The following ST3GAL3 variants were observed in gnomAD, a reference collection of about 807,000 sequenced individuals.
The protein encoded by ST3GAL3 is ST3 beta-galactoside alpha-2,3-sialyltransferase 3.
ST3GAL3 carries 21 observed loss-of-function variants against 50.1 expected under a neutral mutation model. That is an observed-to-expected ratio of 0.42 (90% CI 0.30 to 0.60). The LOEUF is 0.60. ST3GAL3 is among the 20% of genes least tolerant of loss of function. The pLI is 0.19. For missense variants in ST3GAL3, 353 were observed against 489.4 expected (o/e 0.72, Z 2.63); for synonymous variants, 183 against 190.0 (o/e 0.96, Z 0.30).
intron 1 of ST3GAL3, among the ~76,000 whole-genome samples, chr1:43,726,285 T>TTTTA (rs1241278204): frequency 2.0e-5 from 3 of 152,034 alleles, no homozygotes; most frequent in Admixed American, 6.6e-5. Flanking sequence ...ATATCTTATT[T>TTTTA]TTTATTTATT....
intron 1 of ST3GAL3, among the ~76,000 whole-genome samples, chr1:43,720,725 A>G (rs76760124): frequency 0.052 from 7,862 of 152,256 alleles, 271 homozygotes; most frequent in Non-Finnish European, 0.069. Flanking sequence ...TTTCCAACAC[A>G]TGCTTTTTTG....
chr1:43,910,861 G>T (rs138692954), intron 9 of ST3GAL3, among the ~76,000 whole-genome samples: 115 of 152,334 alleles, frequency 7.5e-4, no homozygotes, highest in African/African-American at 2.6e-3. Flanking sequence ...CCCCACTGTG[G>T]TCCTCCTCTG....
intron 9 of ST3GAL3, among the ~76,000 whole-genome samples, chr1:43,905,222 T>C: frequency 1.3e-5 from 1 of 79,544 alleles, no homozygotes; most frequent in Admixed American, 1.6e-4. Context: ...CCTGTTCCTC[T>C]TCCCGCCACT....
Position 43,899,354 on chromosome 1 carries a change from G to A in ST3GAL3, c.557+91G>A. On this transcript the variant is annotated intron_variant, in intron 8 of 11. Coordinates refer to ENST00000347631, the MANE Select transcript of ST3GAL3 (RefSeq NM_006279.5). The surrounding 1 kb of genome is among the most constrained non-coding windows in gnomAD (Gnocchi z 5.4). The stretch of plus-strand genomic sequence containing the variant: ...GAGAACTGTCTGTCTGGCTAGTTGG[G>A]CTGGAGGTCAACGGAAGCCTCAAGA... 1 of 1,609,362 alleles carries A rather than the reference G, an allele frequency of 6.2e-7. No individual in the cohort carries two copies. Among genetic ancestry groups the A allele is most frequent in the Non-Finnish European group, 8.5e-7 (1 of 1,177,670 alleles).
At chr1:43,817,549 CTT>C in intron 4 of ST3GAL3, among the ~76,000 whole-genome samples, 1 of 107,934 alleles carries the variant, frequency 9.3e-6, no homozygotes, top group Non-Finnish European at 1.9e-5. Context: ...TCTCCTTCTT[CTT>C]CTTCTCCTTC....
chr1:43,730,755 G>T (rs1005266469), intron 1 of ST3GAL3, among the ~76,000 whole-genome samples: 1 of 150,748 alleles, frequency 6.6e-6, no homozygotes, highest in African/African-American at 2.4e-5. Flanking sequence ...TTTTTTTCTG[G>T]AGACAGGATC....
chr1:43,773,629 A>G (rs1477971634), intron 2 of ST3GAL3, among the ~76,000 whole-genome samples: 1 of 152,238 alleles, frequency 6.6e-6, no homozygotes, highest in East Asian at 1.9e-4. Flanking sequence ...TTTGAAAGTA[A>G]GGTGCAGAGT....
rs189814316 is a variant in ST3GAL3 at position 43,748,357 on chromosome 1, A to C, written c.118+11977A>C. Among the ~76,000 whole-genome samples the C allele has an allele frequency of 5.3e-5, 8 of 152,196 alleles. No homozygotes were observed. In the East Asian group the frequency reaches 1.5e-3, roughly 29 times the overall value. On this transcript the variant is annotated intron_variant, in intron 2 of 11. Transcript: ENST00000347631. Reference sequence around the variant, plus strand: ...AGATCTAAAGAGATTAAATAAAGACATCTAAATAAGGAGAGATTTATGATG... The same window carrying C: ...AGATCTAAAGAGATTAAATAAAGACCTCTAAATAAGGAGAGATTTATGATG...
intron 3 of ST3GAL3, among the ~76,000 whole-genome samples, chr1:43,808,403 G>T (rs1312652658): frequency 6.6e-6 from 1 of 152,000 alleles, no homozygotes; most frequent in East Asian, 1.9e-4. Context: ...AGGCTGAACT[G>T]AGTGTTGAGC....
At chr1:43,919,642 G>A (rs1238221313) in intron 9 of ST3GAL3, 1 of 153,048 alleles carries the variant, frequency 6.5e-6, no homozygotes, top group African/African-American at 2.4e-5. Context: ...AGGAGGGGTG[G>A]ACGCACTGAA....
At chr1:43,736,594 G>A in intron 2 of ST3GAL3, 1 of 791,000 alleles carries the variant, frequency 1.3e-6, no homozygotes, top group Non-Finnish European at 2.1e-6. Flanking sequence ...ACAAATCTCA[G>A]TTCCTTTTAC....
At chr1:43,850,918 G>C (rs1284035617) in intron 5 of ST3GAL3, 1 of 1,208,978 alleles carries the variant, frequency 8.3e-7, no homozygotes, top group Non-Finnish European at 1.2e-6. Flanking sequence ...CCAGTCTTGG[G>C]ATCCATACTT....
rs1051952400 is a variant in ST3GAL3 at position 43,739,960 on chromosome 1, C to T, written c.118+3580C>T. 3.7e-4 allele frequency among the ~76,000 whole-genome samples: 57 copies of T among 152,044 alleles called. 1 individual carries two copies. The highest frequency in any genetic ancestry group is 2.9e-3 in the Admixed American group (44 of 15,266). The stretch of plus-strand genomic sequence containing the variant: ...TACATGTAGTATGATAAAATATGTA[C>T]GCATACATATATTTTTAATATATAT... On this transcript the variant is annotated intron_variant, in intron 2 of 11. Coordinates refer to ENST00000347631, the MANE Select transcript of ST3GAL3 (RefSeq NM_006279.5).
chr1:43,767,016 G>A (rs1572451711), intron 2 of ST3GAL3, among the ~76,000 whole-genome samples: 1 of 152,318 alleles, frequency 6.6e-6, no homozygotes, highest in East Asian at 1.9e-4. Flanking sequence ...TCTGAGTTAG[G>A]CGGAAGCAGC....
intron 9 of ST3GAL3, chr1:43,912,710 T>C (rs576552718): frequency 6.6e-6 from 1 of 152,316 alleles, no homozygotes; most frequent in South Asian, 2.1e-4. Flanking sequence ...CAGGAAACAT[T>C]CTCTCAGGAG....
intron 3 of ST3GAL3, among the ~76,000 whole-genome samples, chr1:43,806,040 A>G (rs1208973238): frequency 1.3e-5 from 2 of 152,078 alleles, no homozygotes; most frequent in East Asian, 1.9e-4. Flanking sequence ...GGCAAGGAAT[A>G]CTTTTCTAAA....
intron 4 of ST3GAL3, among the ~76,000 whole-genome samples, chr1:43,837,646 G>A (rs2064592683): frequency 6.6e-6 from 1 of 152,172 alleles, no homozygotes; most frequent in Admixed American, 6.5e-5. Flanking sequence ...AGAGCTCCTC[G>A]TTTCCTTGGT....
rs143119948 is a variant in ST3GAL3, at chr1:43,906,799, A to G, written c.744+7072A>G. On this transcript the variant is annotated intron_variant, in intron 9 of 11. Transcript: ENST00000347631. ...CAGTTTATCAGCTTTCCTTGAATTCATTCAGTTCTCATAATGACCCTATAG... is the reference window on the plus strand; with the variant it reads ...CAGTTTATCAGCTTTCCTTGAATTCGTTCAGTTCTCATAATGACCCTATAG... 2.7e-3 allele frequency among the ~76,000 whole-genome samples: 415 copies of G among 152,272 alleles called. 1 individual carries two copies. Among genetic ancestry groups the G allele is most frequent in the Non-Finnish European group, 3.6e-3 (244 of 68,028 alleles).
chr1:43,906,028 G>A (rs370702566), intron 9 of ST3GAL3, among the ~76,000 whole-genome samples: 35 of 56,358 alleles, frequency 6.2e-4, no homozygotes, highest in Admixed American at 3.7e-3. Flanking sequence ...TCCTCTTCCC[G>A]CCACTCTTCC....
Sources: gnomAD v4.1 joint callset for allele counts (sites outside exome capture counted in the v4.1 genomes callset) on GRCh38, gnomAD v4.1.1 for gene constraint, Gnocchi (gnomAD v3.1) non-coding constraint, MANE v1.5 for transcripts, NCBI Gene and HGNC (gene_info 2026-07-23, HGNC 2026-07-21) for gene names.